Variants in RNF214 observed in about 807,000 individuals in gnomAD.
The protein encoded by RNF214 is ring finger protein 214.
A neutral mutation model predicts 75.9 loss-of-function variants in RNF214; 25 were observed. The observed-to-expected ratio is 0.33, with a 90% CI of 0.24 to 0.46. The LOEUF is 0.46. Among genes scored for constraint, RNF214 ranks in the 20% least tolerant of loss-of-function variants. The pLI, the probability that RNF214 is intolerant of heterozygous loss-of-function variation, is 1.00. For missense variants in RNF214, 725 were observed against 857.5 expected (o/e 0.85, Z 1.93); for synonymous variants, 314 against 308.8 (o/e 1.02, Z -0.18).
intron 6 of RNF214, among the ~76,000 whole-genome samples, chr11:117,267,645 C>T (rs2033823674): frequency 6.6e-6 from 1 of 151,924 alleles, no homozygotes; most frequent in Non-Finnish European, 1.5e-5. Flanking sequence ...GGGAGGATTG[C>T]TTGTGCCCAG....
rs1232575914 is a variant in RNF214, at chr11:117,238,594, T to G, written c.108-7T>G. The G allele has an allele frequency of 6.3e-7, 1 of 1,598,432 alleles. No homozygotes were observed. The highest frequency in any genetic ancestry group is 8.5e-7 in the Non-Finnish European group (1 of 1,172,618). On this transcript the variant is annotated splice_region_variant and splice_polypyrimidine_tract_variant and intron_variant, in intron 2 of 14. Coordinates refer to ENST00000300650, the MANE Select transcript of RNF214 (RefSeq NM_207343.4). Reference sequence around the variant, plus strand: ...ATACTTTTCTTTTTATCTTGTGTGTTTGATAGCACCAAAGACTCTGCACAG... The same window carrying G: ...ATACTTTTCTTTTTATCTTGTGTGTGTGATAGCACCAAAGACTCTGCACAG...
Position 117,285,262 on chromosome 11 carries a change from A to G in RNF214, c.*111A>G. The G allele has an allele frequency of 1.4e-6, 1 of 715,042 alleles. No homozygotes were observed. The highest frequency in any genetic ancestry group is 2.5e-6 in the Non-Finnish European group (1 of 403,362). The allele number at this position is 715,042 out of a possible 1,614,324, so 44.3% of individuals were successfully genotyped here. On this transcript the variant is annotated 3_prime_UTR_variant, in exon 15 of 15. Coordinates refer to ENST00000300650, the MANE Select transcript of RNF214 (RefSeq NM_207343.4). ...AGTGACATATACTCATGCCATGTAC[A>G]TTTTTATTATATAGGTAATGTGTGT...
intron 6 of RNF214, among the ~76,000 whole-genome samples, chr11:117,254,432 C>G (rs552837311): frequency 6.6e-6 from 1 of 152,238 alleles, no homozygotes; most frequent in African/African-American, 2.4e-5. Flanking sequence ...TCAGTGACCC[C>G]TCACTCCATT....
chr11:117,275,241 T>C, intron 6 of RNF214, among the ~76,000 whole-genome samples: 1 of 152,102 alleles, frequency 6.6e-6, no homozygotes, highest in East Asian at 1.9e-4. Flanking sequence ...TATCAAAATC[T>C]CAGATACAGC....
chr11:117,247,058 A>G (rs942768011), intron 6 of RNF214, 110 bp downstream of exon 6: 3 of 880,236 alleles, frequency 3.4e-6, no homozygotes, highest in African/African-American at 3.4e-5. Context: ...TATTTGAAAA[A>G]CAAGTGTACA....
At chr11:117,235,129 T>G (rs1028416273) in intron 2 of RNF214, among the ~76,000 whole-genome samples, 3 of 152,256 alleles carry the variant, frequency 2.0e-5, no homozygotes, top group Non-Finnish European at 2.9e-5. Context: ...AAAAAGTTTG[T>G]ACATGTTCAG....
At chr11:117,234,202 G>C in intron 1 of RNF214, 65 bp from the exon 2 acceptor site, 1 of 1,165,790 alleles carries the variant, frequency 8.6e-7, no homozygotes, top group East Asian at 2.3e-5. Flanking sequence ...ATTCTGAGGG[G>C]GGAGAGATAC....
intron 6 of RNF214, among the ~76,000 whole-genome samples, chr11:117,259,247 G>A (rs755379979): frequency 1.3e-5 from 2 of 152,252 alleles, no homozygotes; most frequent in African/African-American, 2.4e-5. Context: ...GTGAGCTACC[G>A]TGCCCGGCTT....
At chr11:117,279,625 C>T (rs1194356199) in intron 6 of RNF214, among the ~76,000 whole-genome samples, 1 of 152,178 alleles carries the variant, frequency 6.6e-6, no homozygotes, top group Non-Finnish European at 1.5e-5. Context: ...GCGTCAGCCA[C>T]CACGCCCGGT....
At chr11:117,262,118 G>A (rs1411066280) in intron 6 of RNF214, among the ~76,000 whole-genome samples, 1 of 149,636 alleles carries the variant, frequency 6.7e-6, no homozygotes, top group Non-Finnish European at 1.5e-5. Context: ...CCCCCAGGCT[G>A]GAGTGCAGTG....
chr11:117,256,049 C>A (rs1318019281), intron 6 of RNF214, among the ~76,000 whole-genome samples: 1 of 152,150 alleles, frequency 6.6e-6, no homozygotes, highest in Non-Finnish European at 1.5e-5. Context: ...TTATACCTAA[C>A]TACTATATGC....
intron 6 of RNF214, among the ~76,000 whole-genome samples, chr11:117,262,512 T>A (rs2033689571): frequency 6.6e-6 from 1 of 152,168 alleles, no homozygotes; most frequent in Non-Finnish European, 1.5e-5. Context: ...CCCAAGTAAC[T>A]GGGACTACAG....
At chr11:117,254,063 G>C (rs2134381108) in intron 6 of RNF214, among the ~76,000 whole-genome samples, 1 of 152,192 alleles carries the variant, frequency 6.6e-6, no homozygotes, top group African/African-American at 2.4e-5. Context: ...AGACCAGCCT[G>C]GCCAACATGG....
At chr11:117,247,516 A>G (rs770930666) in intron 6 of RNF214, among the ~76,000 whole-genome samples, 10 of 152,210 alleles carry the variant, frequency 6.6e-5, no homozygotes, top group South Asian at 2.1e-4. Context: ...TTTTTTTTAT[A>G]TGAATCTAAC....
intron 6 of RNF214, among the ~76,000 whole-genome samples, chr11:117,267,539 C>T (rs2033821372): frequency 1.3e-5 from 2 of 151,482 alleles, no homozygotes; most frequent in Non-Finnish European, 2.9e-5. Context: ...TAATGAAACC[C>T]CCGTCTCTAC....
intron 4 of RNF214, among the ~76,000 whole-genome samples, chr11:117,241,726 T>G (rs1357258758): frequency 6.6e-6 from 1 of 152,186 alleles, no homozygotes; most frequent in Admixed American, 6.5e-5. Flanking sequence ...GTTCAAACCT[T>G]TCCAGGTGAA....
intron 8 of RNF214, 91 bp from the exon 9 acceptor site, chr11:117,281,223 C>T (rs1233590529): frequency 4.8e-6 from 4 of 841,796 alleles, no homozygotes; most frequent in African/African-American, 3.4e-5. Context: ...ATCTGCCCGC[C>T]TTGGCCTCTT....
rs551393903 is a variant in RNF214 at position 117,269,555 on chromosome 11, A to G, written c.960-10353A>G. Reference sequence around the variant, plus strand: ...TTTTTGTGTTTTGGGTAGAGATGGGATTTTGCCATGTTGCCCGGGCTGGTC... The same window carrying G: ...TTTTTGTGTTTTGGGTAGAGATGGGGTTTTGCCATGTTGCCCGGGCTGGTC... On this transcript the variant is annotated intron_variant, in intron 6 of 14. Transcript: ENST00000300650. Among the ~76,000 whole-genome samples the G allele has an allele frequency of 1.1e-3, 173 of 151,960 alleles. 3 individuals are homozygous for G. In the Middle Eastern group the frequency reaches 0.034, roughly 30 times the overall value.
intron 2 of RNF214, among the ~76,000 whole-genome samples, chr11:117,236,419 G>T (rs1425751065): frequency 1.3e-5 from 2 of 152,018 alleles, no homozygotes; most frequent in African/African-American, 4.8e-5. Context: ...GACAACAGGC[G>T]CCCGCCACCA....
Sources: allele counts gnomAD v4.1 joint callset (sites outside exome capture counted in the v4.1 genomes callset), GRCh38; gene constraint gnomAD v4.1.1; transcripts MANE v1.5; gene names NCBI Gene and HGNC (gene_info 2026-07-23, HGNC 2026-07-21).